Variants in PCDH15 observed in about 807,000 individuals in gnomAD.
PCDH15 encodes the protein protocadherin related 15.
In PCDH15, 129 loss-of-function variants were observed where a neutral mutation model predicts 178.5. That is an observed-to-expected ratio of 0.72 (90% confidence interval 0.63 to 0.84). The LOEUF (loss-of-function observed/expected upper bound fraction) is 0.84. Ranked by LOEUF, PCDH15 falls within the 40% of genes least tolerant of loss-of-function variation. The probability of loss-of-function intolerance (pLI) is 0.00; values close to 1 mark genes in which losing one functional copy is unlikely to be tolerated. For synonymous variants in PCDH15, 800 were observed against 732.0 expected (o/e 1.09, Z -1.50); for missense variants, 2,230 against 2,099.9 (o/e 1.06, Z -1.21).
chr10:54,690,668 A>C (rs2095104646), intron 1 of PCDH15, among the ~76,000 whole-genome samples: 3 of 152,160 alleles, frequency 2.0e-5, no homozygotes, highest in Non-Finnish European at 4.4e-5. Context: ...CTTATTAACC[A>C]GAGTATTTGA....
chr10:54,549,517 T>C (rs1270708401), intron 2 of PCDH15, among the ~76,000 whole-genome samples: 1 of 151,978 alleles, frequency 6.6e-6, no homozygotes, highest in Non-Finnish European at 1.5e-5. Context: ...AGAATGTGGG[T>C]ATACTAATAG....
chr10:54,116,435 A>T (rs947561966), intron 15 of PCDH15, among the ~76,000 whole-genome samples: 1 of 152,160 alleles, frequency 6.6e-6, no homozygotes, highest in Non-Finnish European at 1.5e-5. Context: ...GGACCAAGAG[A>T]AATTTTGTTG....
At chr10:55,001,566 A>AGCTGGCACCTTT (rs1839795825) in intron 2 of PCDH15, among the ~76,000 whole-genome samples, 1 of 152,144 alleles carries the variant, frequency 6.6e-6, no homozygotes, top group Non-Finnish European at 1.5e-5. Flanking sequence ...CCTTGCACAG[A>AGCTGGCACCTTT]GCTGGCACCT....
intron 2 of PCDH15, among the ~76,000 whole-genome samples, chr10:54,643,479 G>A (rs1421090753): frequency 6.6e-6 from 1 of 152,060 alleles, no homozygotes; most frequent in Non-Finnish European, 1.5e-5. Flanking sequence ...CACATGTGTT[G>A]TCAAAGTTGG....
chr10:54,073,267 T>C (rs2094281105), intron 17 of PCDH15, among the ~76,000 whole-genome samples: 1 of 150,930 alleles, frequency 6.6e-6, no homozygotes, highest in Non-Finnish European at 1.5e-5. Context: ...GATATAAATA[T>C]TTATATATTT....
intron 8 of PCDH15, among the ~76,000 whole-genome samples, chr10:54,309,579 A>T (rs1455321445): frequency 6.6e-6 from 1 of 152,114 alleles, no homozygotes; most frequent in Non-Finnish European, 1.5e-5. Context: ...AGATCATCTG[A>T]GGTCAGGAGT....
intron 2 of PCDH15, among the ~76,000 whole-genome samples, chr10:54,612,678 AAAAAT>A (rs2093002162): frequency 6.6e-6 from 1 of 151,728 alleles, no homozygotes; most frequent in African/African-American, 2.4e-5. Context: ...CTTATATAAG[AAAAAT>A]AAAACTGGTT....
At chr10:54,214,944 A>G (rs1022907054) in intron 9 of PCDH15, among the ~76,000 whole-genome samples, 6 of 152,280 alleles carry the variant, frequency 3.9e-5, no homozygotes, top group African/African-American at 1.4e-4. Flanking sequence ...CTTCATGAAG[A>G]AATGTCTTCT....
At position 53,807,067 on chromosome 10, in the gene PCDH15, C is replaced by G. The variant is rs1179407485; in HGVS notation, c.4735G>C (p.Glu1579Gln). Residue 1579 changes from glutamate to glutamine, a missense_variant, in exon 38 of 38, where the codon GAA becomes CAA. Transcript: ENST00000644397. ...CTCTGACATTCAGGAGCACTGTCTT[C>G]TCCAGTTGAGCTGGTTTCATACTCT... Reference protein sequence around the residue: ...DREYETSSTGEDSAPECQRNR... With the variant: ...DREYETSSTGQDSAPECQRNR... The G allele has an allele frequency of 6.2e-7, 1 of 1,613,062 alleles. No homozygotes were observed. The highest frequency in any genetic ancestry group is 8.5e-7 in the Non-Finnish European group (1 of 1,179,764).
intron 25 of PCDH15, among the ~76,000 whole-genome samples, chr10:53,911,950 G>T (rs1255146905): frequency 6.6e-6 from 1 of 152,128 alleles, no homozygotes; most frequent in Non-Finnish European, 1.5e-5. Flanking sequence ...ATTTTATGGG[G>T]CCAGCATCAT....
chr10:54,405,895 T>A (rs1250865547), intron 3 of PCDH15, among the ~76,000 whole-genome samples: 1 of 151,978 alleles, frequency 6.6e-6, no homozygotes, highest in African/African-American at 2.4e-5. Flanking sequence ...GAAAAAGTAT[T>A]AGTGTATTGT....
At chr10:54,852,985 G>C (rs950600319) in intron 3 of PCDH15, among the ~76,000 whole-genome samples, 3 of 151,410 alleles carry the variant, frequency 2.0e-5, no homozygotes, top group Non-Finnish European at 4.4e-5. Flanking sequence ...TACAGGCCTG[G>C]TGCAATGGCT....
chr10:55,100,640 G>A (rs1053157253), intron 2 of PCDH15, among the ~76,000 whole-genome samples: 13 of 152,074 alleles, frequency 8.5e-5, no homozygotes, highest in Admixed American at 7.9e-4. Context: ...AGAGGTGTTA[G>A]GCTCTTTTTA....
Position 54,132,983 on chromosome 10 carries a change from A to G in PCDH15, c.1809T>C (p.Ile603=), listed in dbSNP as rs774896441. Reference sequence around the variant, plus strand: ...TTTGATTATTTGGTGGAAGCACTTCAATATACACAGTGCAGATGGAGTTCC... The same window carrying G: ...TTTGATTATTTGGTGGAAGCACTTCGATATACACAGTGCAGATGGAGTTCC... ...ERRNSICTVY[I]EVLPPNNQSP... Residue 603 remains isoleucine (I), a synonymous_variant, in exon 15 of 38, where the codon ATT becomes ATC. Coordinates refer to ENST00000644397, the MANE Select transcript of PCDH15 (RefSeq NM_001384140.1). The G allele has an allele frequency of 6.2e-7, 1 of 1,614,082 alleles. No homozygotes were observed. The highest frequency in any genetic ancestry group is 8.5e-7 in the Non-Finnish European group (1 of 1,179,964).
At chr10:54,973,838 A>G (rs1173690255) in intron 2 of PCDH15, among the ~76,000 whole-genome samples, 2 of 152,146 alleles carry the variant, frequency 1.3e-5, no homozygotes, top group Non-Finnish European at 2.9e-5. Flanking sequence ...AACCACACAC[A>G]CACTATGTAT....
chr10:54,239,748 T>C (rs1186792800), intron 8 of PCDH15, among the ~76,000 whole-genome samples: 4 of 152,084 alleles, frequency 2.6e-5, no homozygotes, highest in African/African-American at 7.2e-5. Flanking sequence ...CTTATCAGAA[T>C]TGACATTTTA....
intron 2 of PCDH15, among the ~76,000 whole-genome samples, chr10:54,964,876 ATAATG>A (rs1838743411): frequency 6.6e-6 from 1 of 152,192 alleles, no homozygotes; most frequent in Non-Finnish European, 1.5e-5. Flanking sequence ...CTAATGAATG[ATAATG>A]TATTCTCAGC....
chr10:55,362,776 A>G (rs1845260794), intron 2 of PCDH15, among the ~76,000 whole-genome samples: 1 of 152,134 alleles, frequency 6.6e-6, no homozygotes, highest in South Asian at 2.1e-4. Context: ...TTTAACAGCC[A>G]TAGCTACTTC....
intron 1 of PCDH15, among the ~76,000 whole-genome samples, chr10:55,284,522 A>T (rs1347178658): frequency 6.6e-6 from 1 of 152,006 alleles, no homozygotes; most frequent in African/African-American, 2.4e-5. Flanking sequence ...CTCTGATATA[A>T]AAAATGATTC....
Sources: gnomAD v4.1 joint callset for allele counts (sites outside exome capture counted in the v4.1 genomes callset) on GRCh38, gnomAD v4.1.1 for gene constraint, MANE v1.5 for transcripts, NCBI Gene and HGNC (gene_info 2026-07-23, HGNC 2026-07-21) for gene names.